GFOD1: variants seen among roughly 807,000 people sequenced by gnomAD.
GFOD1 encodes the protein Gfo/Idh/MocA-like oxidoreductase domain containing 1.
Under a neutral mutation model 25.4 loss-of-function variants are expected in GFOD1, and 9 were observed. The observed-to-expected ratio is 0.35, with a 90% CI of 0.21 to 0.62. The LOEUF (loss-of-function observed/expected upper bound fraction) is 0.62. GFOD1 is among the 20% of genes least tolerant of loss of function. The probability of loss-of-function intolerance (pLI) is 0.72; values close to 1 mark genes in which losing one functional copy is unlikely to be tolerated. For synonymous variants in GFOD1, 253 were observed against 245.6 expected, an observed-to-expected ratio of 1.03 and a Z score of -0.28; for missense variants, 403 against 556.9, an observed-to-expected ratio of 0.72 and a Z score of 2.78.
intron 1 of GFOD1, among the ~76,000 whole-genome samples, chr6:13,372,305 A>T (rs908803122): frequency 1.3e-5 from 2 of 152,208 alleles, no homozygotes; most frequent in Admixed American, 1.3e-4. Context: ...TGCCCTCCTG[A>T]GATCCCTCAT....
intron 1 of GFOD1, among the ~76,000 whole-genome samples, chr6:13,447,357 C>A (rs964750942): frequency 2.0e-5 from 3 of 152,266 alleles, no homozygotes; most frequent in Admixed American, 1.3e-4. Context: ...CCAAATTCCC[C>A]CCTTTTTATA....
chr6:13,401,408 G>GAAGGGAAGGGAA (rs10664313), intron 1 of GFOD1, among the ~76,000 whole-genome samples: 49,697 of 92,048 alleles, frequency 0.54, 8,736 homozygotes, highest in Middle Eastern at 0.63. Flanking sequence ...GAAGGGAAGG[G>GAAGGGAAGGGAA]AAAGGGAAAA....
intron 1 of GFOD1, among the ~76,000 whole-genome samples, chr6:13,381,416 C>T (rs1785359653): frequency 6.6e-6 from 1 of 152,206 alleles, no homozygotes; most frequent in African/African-American, 2.4e-5. Context: ...TACAGTGAGG[C>T]CCTAGAAGAG....
intron 1 of GFOD1, among the ~76,000 whole-genome samples, chr6:13,480,862 T>G (rs1036517339): frequency 6.6e-6 from 1 of 152,246 alleles, no homozygotes; most frequent in Admixed American, 6.5e-5. Context: ...AGCTACTGCA[T>G]GCAGGAGGAT....
intron 1 of GFOD1, among the ~76,000 whole-genome samples, chr6:13,475,462 C>A (rs908181241): frequency 1.5e-4 from 22 of 151,616 alleles, no homozygotes; most frequent in Admixed American, 2.6e-4. Flanking sequence ...GTAATCCCAG[C>A]ACTTTGGGAG....
chr6:13,416,194 A>G (rs570073337), intron 1 of GFOD1, among the ~76,000 whole-genome samples: 11 of 152,322 alleles, frequency 7.2e-5, no homozygotes, highest in Admixed American at 1.3e-4. Flanking sequence ...GCCTTCCACC[A>G]TGATTGTAAG....
At chr6:13,399,435 G>A (rs1045020120) in intron 1 of GFOD1, among the ~76,000 whole-genome samples, 13 of 152,266 alleles carry the variant, frequency 8.5e-5, no homozygotes, top group East Asian at 3.9e-4. Flanking sequence ...GTGAATGTTT[G>A]TTGCAGTTGT....
At chr6:13,450,582 G>A (rs759390459) in intron 1 of GFOD1, among the ~76,000 whole-genome samples, 9 of 152,148 alleles carry the variant, frequency 5.9e-5, no homozygotes, top group South Asian at 2.1e-4. Context: ...CACACTGGAC[G>A]TGCTTAACTC....
In GFOD1 at chr6:13,429,116, C is replaced by A. The variant is rs1048538310; in HGVS notation, c.253+57522G>T. On this transcript the variant is annotated intron_variant, in intron 1 of 1. Coordinates refer to ENST00000379287, the MANE Select transcript of GFOD1 (RefSeq NM_018988.4). ...CTCAAATGGCACAAAGAGGAAAGAC[C>A]CCAGCAGAAATCAAGATGGGTGGGA... is the stretch of plus-strand genomic sequence containing the variant. 2.6e-5 allele frequency among the ~76,000 whole-genome samples: 4 copies of A among 152,250 alleles called. No individual in the cohort carries two copies. In the South Asian group the frequency reaches 8.3e-4, roughly 32 times the overall value.
chr6:13,400,767 C>T (rs1244594877), intron 1 of GFOD1, among the ~76,000 whole-genome samples: 2 of 152,158 alleles, frequency 1.3e-5, no homozygotes, highest in Non-Finnish European at 2.9e-5. Flanking sequence ...AGAGACAACA[C>T]CATATCTGGT....
In GFOD1 at chr6:13,362,514, T is replaced by A. The variant is rs928557975; in HGVS notation, c.*2229A>T. 6.7e-6 allele frequency: 1 copy of A among 149,912 alleles called. No homozygotes were observed. Among genetic ancestry groups the A allele is most frequent in the Non-Finnish European group, 1.5e-5 (1 of 67,514 alleles). The allele number at this position is 149,912 out of a possible 1,614,324, so 9.3% of individuals were successfully genotyped here. On this transcript the variant is annotated 3_prime_UTR_variant, in exon 2 of 2. Coordinates refer to ENST00000379287, the MANE Select transcript of GFOD1 (RefSeq NM_018988.4). ...ATGTGAACCAAAGCAGTCCATGACA[T>A]GGGCCTCTGTTCAAACTATTATTGG... is the stretch of plus-strand genomic sequence containing the variant.
rs549462154 is a variant in GFOD1 at position 13,376,756 on chromosome 6, G to A, written c.254-11094C>T. 1.4e-4 allele frequency among the ~76,000 whole-genome samples: 21 copies of A among 152,254 alleles called. No homozygotes were observed. In the South Asian group the frequency reaches 3.9e-3, roughly 29 times the overall value. The stretch of plus-strand genomic sequence containing the variant: ...TATGCTTTCTCTTCCCAAGCATGGC[G>A]TGAAACCTCATCACACATCCAAAAG... On this transcript the variant is annotated intron_variant, in intron 1 of 1. Transcript: ENST00000379287.
At chr6:13,434,018 A>T (rs1757792272) in intron 1 of GFOD1, among the ~76,000 whole-genome samples, 2 of 152,232 alleles carry the variant, frequency 1.3e-5, no homozygotes, top group Admixed American at 1.3e-4. Flanking sequence ...GAAGCACCAC[A>T]ATTTATGAGA....
intron 1 of GFOD1, among the ~76,000 whole-genome samples, chr6:13,438,545 T>C (rs931169604): frequency 6.6e-6 from 1 of 152,146 alleles, no homozygotes; most frequent in African/African-American, 2.4e-5. Flanking sequence ...ACTGAATGAC[T>C]AGTCTCTCAA....
In GFOD1 at chr6:13,365,213, C is replaced by T. The variant is rs1296968940; in HGVS notation, c.703G>A (p.Val235Ile). The change falls in exon 2 of 2, where the codon GTC (valine) becomes ATC (isoleucine). Residue 235 changes from valine (V) to isoleucine (I), a missense_variant. Val to Ile is a conservative substitution (Grantham distance 29, BLOSUM62 3). Transcript: ENST00000379287. This position sits in a 1 kb window ranked among gnomAD's most constrained non-coding sequence, Gnocchi z 9.2. ...CCGGGCACGTTGAAGTTGAGGGTGA[C>T]GGTGCAGCACACCCCGCCCTCCAGC... Reference protein sequence around the residue: ...MVLEGGVCCTVTLNFNVPGEF... With the variant: ...MVLEGGVCCTITLNFNVPGEF... 3 of 1,613,940 alleles carry T rather than the reference C, an allele frequency of 1.9e-6. No individual in the cohort carries two copies. Among genetic ancestry groups the T allele is most frequent in the South Asian group, 2.2e-5 (2 of 91,084 alleles).
At chr6:13,408,323 G>C (rs1388416798) in intron 1 of GFOD1, among the ~76,000 whole-genome samples, 2 of 152,164 alleles carry the variant, frequency 1.3e-5, no homozygotes, top group African/African-American at 4.8e-5. Context: ...CCTTATCTTG[G>C]GCAGTGAGGT....
intron 1 of GFOD1, among the ~76,000 whole-genome samples, chr6:13,393,780 CTTTTTTTT>C (rs70989854): frequency 1.7e-5 from 2 of 120,288 alleles, no homozygotes; most frequent in African/African-American, 6.2e-5. Context: ...TTTTTCTTTT[CTTTTTTTT>C]TTTTTTTTTG....
At chr6:13,472,309 T>C (rs932983840) in intron 1 of GFOD1, among the ~76,000 whole-genome samples, 2 of 152,210 alleles carry the variant, frequency 1.3e-5, no homozygotes, top group South Asian at 2.1e-4. Flanking sequence ...AGCAGCCACA[T>C]GTGGCTAATG....
chr6:13,406,452 A>AGGGC (rs61416726), intron 1 of GFOD1, among the ~76,000 whole-genome samples: 11,258 of 152,190 alleles, frequency 0.074, 1,173 homozygotes, highest in African/African-American at 0.24. Context: ...GGCTTCAGAA[A>AGGGC]GGGCGCCTGT....
Sources: gnomAD v4.1 joint callset for allele counts (sites outside exome capture counted in the v4.1 genomes callset) on GRCh38, gnomAD v4.1.1 for gene constraint, Gnocchi (gnomAD v3.1) non-coding constraint, MANE v1.5 for transcripts, NCBI Gene and HGNC (gene_info 2026-07-23, HGNC 2026-07-21) for gene names.